Variants in NDRG4 observed in about 807,000 individuals in gnomAD.
The protein encoded by NDRG4 is protein NDRG4.
NDRG4 carries 38 observed loss-of-function variants against 55.8 expected under a neutral mutation model. That is an observed-to-expected ratio of 0.68 (90% CI 0.53 to 0.89). The LOEUF (loss-of-function observed/expected upper bound fraction) is 0.89, where lower values mean the gene tolerates loss of function less well. Among genes scored for constraint, NDRG4 ranks in the 40% least tolerant of loss-of-function variants. NDRG4 has a pLI of 0.00. For synonymous variants in NDRG4, 190 were observed against 182.7 expected (o/e 1.04, Z -0.32); for missense variants, 455 against 468.6 (o/e 0.97, Z 0.27).
chr16:58,480,585 C>CA (rs2034272792), intron 1 of NDRG4, among the ~76,000 whole-genome samples: 1 of 152,204 alleles, frequency 6.6e-6, no homozygotes, highest in African/African-American at 2.4e-5. Flanking sequence ...ATTTGAGCAA[C>CA]AAAAATGTTT....
At position 58,464,927 on chromosome 16, in the gene NDRG4, G is replaced by A. The variant is rs1200919730; in HGVS notation, c.-24+1130G>A. 6.8e-6 allele frequency: 8 copies of A among 1,176,072 alleles called. No homozygotes were observed. Among genetic ancestry groups the A allele is most frequent in the African/African-American group, 1.6e-5 (1 of 61,842 alleles). 72.9% of individuals were successfully genotyped at this position (1,176,072 alleles called of 1,614,324 possible). A position where few individuals can be genotyped will look rare whatever the true frequency, so the allele number is the denominator to read the frequency against. ...GAGTGGAGGCGACGCCAAGTGGCCT[G>A]GGAAGTGGGAAGCCAGATTGGACCC... On this transcript the variant is annotated intron_variant, in intron 1 of 15. Transcript: ENST00000258187. This position sits in a 1 kb window ranked among gnomAD's most constrained non-coding sequence, Gnocchi z 4.8.
intron 1 of NDRG4, chr16:58,465,207 C>T (rs924033963): frequency 7.2e-6 from 6 of 834,692 alleles, no homozygotes; most frequent in Admixed American, 2.3e-5. Flanking sequence ...GGTGCTCCAT[C>T]CGTGTATGTC....
chr16:58,479,010 A>G (rs1028854741), intron 1 of NDRG4, among the ~76,000 whole-genome samples: 1 of 152,054 alleles, frequency 6.6e-6, no homozygotes, highest in Non-Finnish European at 1.5e-5. Context: ...TTCAATGCAT[A>G]TAATTTTTAC....
chr16:58,510,216 C>T (rs1432597723), intron 13 of NDRG4, among the ~76,000 whole-genome samples: 1 of 152,182 alleles, frequency 6.6e-6, no homozygotes, highest in Non-Finnish European at 1.5e-5. Flanking sequence ...CGCAGGAGCA[C>T]AGAGTCTGGA....
At position 58,494,686 on chromosome 16, in the gene NDRG4, G is replaced by A. The variant is rs568887263; in HGVS notation, c.73-278G>A. On this transcript the variant is annotated intron_variant, in intron 2 of 15. Coordinates refer to the NDRG4 transcript ENST00000258187. ...TGTTAACATTGAGACAGACTGGTGG[G>A]CTGGGTGCGGTGTTTCATGCCTGTA... Among the ~76,000 whole-genome samples the A allele has an allele frequency of 2.0e-5, 3 of 152,222 alleles. No individual in the cohort carries two copies. The East Asian group carries it at 5.8e-4, about 29-fold the overall frequency.
At chr16:58,486,081 A>C (rs1211900378) in intron 1 of NDRG4, among the ~76,000 whole-genome samples, 2 of 152,204 alleles carry the variant, frequency 1.3e-5, no homozygotes, top group African/African-American at 2.4e-5. Context: ...TACAAGCCAT[A>C]TAAGAAGGTG....
At chr16:58,474,149 G>A (rs1404463040) in intron 1 of NDRG4, among the ~76,000 whole-genome samples, 2 of 142,762 alleles carry the variant, frequency 1.4e-5, no homozygotes, top group Non-Finnish European at 3.0e-5. Context: ...TGATTCTCCT[G>A]CCTCAGCCTC....
At chr16:58,489,950 T>C (rs1261977882) in intron 2 of NDRG4, among the ~76,000 whole-genome samples, 2 of 152,136 alleles carry the variant, frequency 1.3e-5, no homozygotes, top group African/African-American at 4.8e-5. Context: ...GCTCAAGTGA[T>C]CCTCCTGCCT....
chr16:58,497,182 TGTG>T (rs1309191361), upstream of NDRG4, among the ~76,000 whole-genome samples: 1 of 151,754 alleles, frequency 6.6e-6, no homozygotes, highest in Non-Finnish European at 1.5e-5. Context: ...ATTAGCCAGG[TGTG>T]GTGGCAGGCG....
At chr16:58,502,200 A>C in intron 1 of NDRG4, 1 of 347,474 alleles carries the variant, frequency 2.9e-6, no homozygotes, top group South Asian at 2.1e-5. Context: ...GCTTGGGCCT[A>C]TGTGGGAAGT....
downstream of NDRG4, among the ~76,000 whole-genome samples, chr16:58,514,667 G>A (rs1439332316): frequency 6.7e-6 from 1 of 149,188 alleles, no homozygotes; most frequent in African/African-American, 2.5e-5. Flanking sequence ...GCTTGAACCC[G>A]GGAGGTGGAG....
Position 58,482,707 on chromosome 16 carries a change from C to T in NDRG4, c.-23-5049C>T, listed in dbSNP as rs4784953. 2.6e-3 allele frequency among the ~76,000 whole-genome samples: 57 copies of T among 21,594 alleles called. No individual in the cohort carries two copies. In the East Asian group the frequency reaches 0.064, roughly 24 times the overall value. The allele number at this position is 21,594 out of a possible 152,430, so 14.2% of individuals were successfully genotyped here. A position where few individuals can be genotyped will look rare whatever the true frequency, so the allele number is the denominator to read the frequency against. On this transcript the variant is annotated intron_variant, in intron 1 of 15. Transcript: ENST00000258187. ...TCCCTCCCTTCCTTCCTCCCTCCCTCCTTTCCTTCCTCCCTCCCTCCCTCC... is the reference window on the plus strand; with the variant it reads ...TCCCTCCCTTCCTTCCTCCCTCCCTTCTTTCCTTCCTCCCTCCCTCCCTCC...
chr16:58,464,310 G>T lies in NDRG4; in HGVS notation c.-24+513G>T. On this transcript the variant is annotated intron_variant, in intron 1 of 15. Transcript: ENST00000258187. The surrounding 1 kb of genome is among the most constrained non-coding windows in gnomAD (Gnocchi z 4.8). Reference sequence around the variant, plus strand: ...GCGCTCCTGGCTGTGAGCTGCTCCTGCCGCTTCGCTCCGCGCTCTCCTGCC... The same window carrying T: ...GCGCTCCTGGCTGTGAGCTGCTCCTTCCGCTTCGCTCCGCGCTCTCCTGCC... 1.2e-6 allele frequency: 1 copy of T among 842,100 alleles called. No homozygotes were observed. Among genetic ancestry groups the T allele is most frequent in the South Asian group, 3.0e-5 (1 of 33,832 alleles). The allele number at this position is 842,100 out of a possible 1,614,324, so 52.2% of individuals were successfully genotyped here.
Position 58,511,472 on chromosome 16 carries a change from A to G in NDRG4, c.955A>G (p.Thr319Ala). 2 of 1,612,468 alleles carry G rather than the reference A, an allele frequency of 1.2e-6. No individual in the cohort carries two copies. The highest frequency in any genetic ancestry group is 2.2e-5 in the South Asian group (2 of 91,046). Residue 319 changes from threonine (T) to alanine (A), a missense_variant, in exon 15 of 15, where the codon ACC (threonine) becomes GCC (alanine). Physicochemically the swap from Thr to Ala is moderately conservative, Grantham distance 58. Coordinates refer to ENST00000570248, the MANE Select transcript of NDRG4 (RefSeq NM_001242835.2). ...GGCACGCTCCCGCACTGCATCCCTC[A>G]CCAGTGCCAGCTCGGTGGATGGCAG... ...RLARSRTASLTSASSVDGSRP... is the reference protein window; with the variant it reads ...RLARSRTASLASASSVDGSRP...
At position 58,504,134 on chromosome 16, in the gene NDRG4, G is replaced by C; in HGVS notation, c.128-20G>C. ...CCCCCGGCCCCTCTGCTCAGCCATA[G>C]TGGAAGTGTGTCTTTGCAGACAAAC... On this transcript the variant is annotated intron_variant, in intron 2 of 14. Coordinates refer to ENST00000570248, the MANE Select transcript of NDRG4 (RefSeq NM_001242835.2). The C allele has an allele frequency of 6.2e-7, 1 of 1,613,870 alleles. No individual in the cohort carries two copies. The highest frequency in any genetic ancestry group is 8.5e-7 in the Non-Finnish European group (1 of 1,179,994).
intron 1 of NDRG4, among the ~76,000 whole-genome samples, chr16:58,483,164 C>G (rs890465245): frequency 1.3e-5 from 2 of 152,134 alleles, no homozygotes; most frequent in Non-Finnish European, 2.9e-5. Context: ...TTGCTTTTTT[C>G]TGTAGGATGT....
At chr16:58,497,264 G>T (rs1889566255), upstream of NDRG4, among the ~76,000 whole-genome samples, 1 of 152,170 alleles carries the variant, frequency 6.6e-6, no homozygotes, top group African/African-American at 2.4e-5. Context: ...GGAGGTTGCA[G>T]TGAGCAGAGA....
chr16:58,503,974 T>G (rs755853915), intron 2 of NDRG4, 71 bp downstream of exon 2: 1 of 1,465,272 alleles, frequency 6.8e-7, no homozygotes, highest in Non-Finnish European at 9.5e-7. Context: ...CCCCCCACCC[T>G]CCCCACAGGG....
chr16:58,493,807 C>T (rs1167947554), intron 2 of NDRG4, among the ~76,000 whole-genome samples: 5 of 152,216 alleles, frequency 3.3e-5, no homozygotes, highest in African/African-American at 4.8e-5. Flanking sequence ...TGGACGTGTG[C>T]TGGTCCCTGA....
Sources: allele counts gnomAD v4.1 joint callset (sites outside exome capture counted in the v4.1 genomes callset), GRCh38; gene constraint gnomAD v4.1.1; non-coding constraint Gnocchi (gnomAD v3.1); transcripts MANE v1.5; gene names NCBI Gene and HGNC (gene_info 2026-07-23, HGNC 2026-07-21).